The following KCTD1 variants were observed in gnomAD, a reference collection of about 807,000 sequenced individuals.
KCTD1 encodes BTB/POZ domain-containing protein KCTD1.
A neutral mutation model predicts 66.0 loss-of-function variants in KCTD1; 24 were observed. The ratio of observed to expected loss-of-function variants is 0.36; its 90% CI spans 0.26 to 0.51. KCTD1 has a LOEUF of 0.51. KCTD1 is among the 20% of genes least tolerant of loss of function. The pLI is 0.95. For missense variants in KCTD1, 943 were observed against 1,205.2 expected (o/e 0.78, Z 3.22); for synonymous variants, 511 against 517.2 (o/e 0.99, Z 0.16).
chr18:26,545,347 A>G (rs1178667469), intron 1 of KCTD1: 1 of 152,224 alleles, frequency 6.6e-6, no homozygotes, highest in African/African-American at 2.4e-5. Flanking sequence ...ATTCACTAAC[A>G]CAACCTGTCA....
chr18:26,596,766 A>G (rs1227547703), intron 1 of KCTD1, among the ~76,000 whole-genome samples: 1 of 152,282 alleles, frequency 6.6e-6, no homozygotes, highest in East Asian at 1.9e-4. Flanking sequence ...TTACTAAATG[A>G]CAGGTAGCCA....
chr18:26,542,062 T>A (rs1274029361), intron 1 of KCTD1, among the ~76,000 whole-genome samples: 1 of 152,128 alleles, frequency 6.6e-6, no homozygotes, highest in Non-Finnish European at 1.5e-5. Context: ...CCTCTATGAA[T>A]CCCTCTTGAG....
intron 1 of KCTD1, among the ~76,000 whole-genome samples, chr18:26,606,595 G>A (rs556379372): frequency 1.2e-4 from 19 of 152,298 alleles, no homozygotes; most frequent in African/African-American, 3.4e-4. Flanking sequence ...ACCTGTCTCC[G>A]TCATTAGAAT....
At chr18:26,545,060 C>T (rs530206147) in intron 1 of KCTD1, 15 of 152,120 alleles carry the variant, frequency 9.9e-5, no homozygotes, top group Non-Finnish European at 1.6e-4. Context: ...ACCAATGAAA[C>T]GAAACCCTCT....
upstream of KCTD1, among the ~76,000 whole-genome samples, chr18:26,642,981 G>A (rs1402977788): frequency 6.6e-6 from 1 of 152,192 alleles, no homozygotes; most frequent in Non-Finnish European, 1.5e-5. Context: ...AGGAGGCAGG[G>A]AGGTTCTGTT....
At chr18:26,649,414 C>G (rs1448355402) in intron 1 of KCTD1, among the ~76,000 whole-genome samples, 1 of 152,146 alleles carries the variant, frequency 6.6e-6, no homozygotes, top group Non-Finnish European at 1.5e-5. Context: ...CCCCACAGCC[C>G]AGGAAGAAAC....
chr18:26,509,211 C>T (rs568742993), intron 1 of KCTD1, among the ~76,000 whole-genome samples: 8 of 151,014 alleles, frequency 5.3e-5, no homozygotes, highest in African/African-American at 1.9e-4. Flanking sequence ...GTACTGTATG[C>T]ATAATTTATT....
chr18:26,572,091 G>A (rs539469377), intron 1 of KCTD1, among the ~76,000 whole-genome samples: 84 of 148,206 alleles, frequency 5.7e-4, no homozygotes, highest in South Asian at 2.6e-3. Context: ...ACGTAGTCTC[G>A]CTCTGTTGCC....
intron 1 of KCTD1, among the ~76,000 whole-genome samples, chr18:26,606,581 T>C (rs34961414): frequency 0.056 from 8,586 of 152,236 alleles, 304 homozygotes; most frequent in South Asian, 0.14. Flanking sequence ...CAGCGATCTC[T>C]TGAACCTGTC....
At chr18:26,461,653 A>G (rs188898369) in intron 3 of KCTD1, among the ~76,000 whole-genome samples, 1 of 152,364 alleles carries the variant, frequency 6.6e-6, no homozygotes, top group Non-Finnish European at 1.5e-5. Context: ...TCATCTTGGC[A>G]TCACGCCAAC....
intron 1 of KCTD1, among the ~76,000 whole-genome samples, chr18:26,562,072 TGCCTTCGCCCTC>T (rs1985867040): frequency 6.6e-6 from 1 of 152,190 alleles, no homozygotes; most frequent in Non-Finnish European, 1.5e-5. Context: ...ATCCTAACTA[TGCCTTCGCCCTC>T]CGCCCAGGTG....
intron 1 of KCTD1, among the ~76,000 whole-genome samples, chr18:26,585,650 A>G (rs927641832): frequency 5.9e-5 from 9 of 152,248 alleles, no homozygotes; most frequent in Non-Finnish European, 5.9e-5. Flanking sequence ...AAGTCAGAGA[A>G]TTAATTATAT....
chr18:26,533,510 C>G (rs78517796), intron 1 of KCTD1, among the ~76,000 whole-genome samples: 1 of 151,960 alleles, frequency 6.6e-6, no homozygotes, highest in African/African-American at 2.4e-5. Flanking sequence ...GCTAAGTGGC[C>G]ATAAGAATTT....
intron 1 of KCTD1, chr18:26,544,519 G>A (rs1169523588): frequency 1.3e-5 from 2 of 152,232 alleles, no homozygotes; most frequent in East Asian, 1.9e-4. Flanking sequence ...AGTCCAGTCA[G>A]TATTAGGCTA....
intron 1 of KCTD1, among the ~76,000 whole-genome samples, chr18:26,656,789 C>T (rs1010612260): frequency 1.3e-5 from 2 of 150,690 alleles, no homozygotes; most frequent in Non-Finnish European, 3.0e-5. Context: ...GAGATGTGCG[C>T]TTGGCTCTGG....
At chr18:26,556,962 A>T (rs1466962706) in intron 1 of KCTD1, among the ~76,000 whole-genome samples, 1 of 152,138 alleles carries the variant, frequency 6.6e-6, no homozygotes, top group Admixed American at 6.5e-5. Context: ...TGTAATTCAA[A>T]CTACGTAATC....
At position 26,528,455 on chromosome 18, in the gene KCTD1, C is replaced by T. The variant is rs1026395990; in HGVS notation, c.1809+18273G>A. On this transcript the variant is annotated intron_variant, in intron 1 of 4. Coordinates refer to ENST00000580059, the MANE Select transcript of KCTD1 (RefSeq NM_001142730.3). ...TCCTCAGGATCCTGCCATGCCTATA[C>T]TCCGCCATCTCTCTTGCTCTTTCTA... 1.2e-4 allele frequency among the ~76,000 whole-genome samples: 19 copies of T among 152,226 alleles called. 1 individual carries two copies. Among genetic ancestry groups the T allele is most frequent in the Admixed American group, 1.2e-3 (19 of 15,286 alleles).
At chr18:26,480,680 C>T (rs7226410) in intron 2 of KCTD1, among the ~76,000 whole-genome samples, 149,857 of 152,278 alleles carry the variant, frequency 0.98, 73,777 homozygotes, top group Middle Eastern at 1. Flanking sequence ...AGGCAGAGAA[C>T]TGCCTGAACC....
chr18:26,524,958 C>T (rs541471097), intron 1 of KCTD1, among the ~76,000 whole-genome samples: 3 of 152,232 alleles, frequency 2.0e-5, no homozygotes, highest in African/African-American at 7.2e-5. Context: ...TTTATATGTA[C>T]TGCCTGGATG....
Sources: gnomAD v4.1 joint callset for allele counts (sites outside exome capture counted in the v4.1 genomes callset) on GRCh38, gnomAD v4.1.1 for gene constraint, MANE v1.5 for transcripts, NCBI Gene and HGNC (gene_info 2026-07-23, HGNC 2026-07-21) for gene names.